GABRB1: variants seen among roughly 807,000 people sequenced by gnomAD.
The protein encoded by GABRB1 is gamma-aminobutyric acid receptor subunit beta-1.
GABRB1 carries 17 observed loss-of-function variants against 51.6 expected under a neutral mutation model. The observed-to-expected ratio is 0.33, with a 90% confidence interval of 0.23 to 0.49. The LOEUF is 0.49. Among genes scored for constraint, GABRB1 ranks in the 20% least tolerant of loss-of-function variants. The pLI, the probability that GABRB1 is intolerant of heterozygous loss-of-function variation, is 0.99. For synonymous variants in GABRB1, 247 were observed against 218.9 expected (o/e 1.13, Z -1.14); for missense variants, 410 against 600.6 (o/e 0.68, Z 3.32).
chr4:47,081,169 G>A (rs1040270397), intron 3 of GABRB1, among the ~76,000 whole-genome samples: 1 of 152,086 alleles, frequency 6.6e-6, no homozygotes, highest in Admixed American at 6.6e-5. Flanking sequence ...AAGACACAAA[G>A]AACCTAATGG....
intron 5 of GABRB1, among the ~76,000 whole-genome samples, chr4:47,321,957 A>G (rs1725100110): frequency 6.6e-6 from 1 of 152,150 alleles, no homozygotes; most frequent in South Asian, 2.1e-4. Flanking sequence ...CAAAATGCAT[A>G]TTTTATTTAT....
intron 1 of GABRB1, among the ~76,000 whole-genome samples, chr4:47,024,862 G>A (rs193094316): frequency 1.8e-4 from 26 of 146,806 alleles, no homozygotes; most frequent in Admixed American, 1.7e-3. Context: ...TAGAATAATA[G>A]TCTCCAATTC....
intron 4 of GABRB1, among the ~76,000 whole-genome samples, chr4:47,201,824 G>T (rs1435998775): frequency 1.3e-5 from 2 of 152,126 alleles, no homozygotes; most frequent in African/African-American, 4.8e-5. Flanking sequence ...ATTTTTACTA[G>T]CATGTAATAA....
intron 3 of GABRB1, among the ~76,000 whole-genome samples, chr4:47,153,942 G>T (rs1171580692): frequency 6.6e-6 from 1 of 151,896 alleles, no homozygotes; most frequent in African/African-American, 2.4e-5. Flanking sequence ...TGGTAATAAA[G>T]AATGCATGTA....
chr4:47,145,434 A>G (rs969475796), intron 3 of GABRB1, among the ~76,000 whole-genome samples: 1 of 152,036 alleles, frequency 6.6e-6, no homozygotes, highest in African/African-American at 2.4e-5. Context: ...CTCTTTTGAA[A>G]ATTGGGGCTT....
chr4:47,109,508 T>C (rs1301411755), intron 3 of GABRB1, among the ~76,000 whole-genome samples: 2 of 152,120 alleles, frequency 1.3e-5, no homozygotes, highest in Admixed American at 6.6e-5. Flanking sequence ...ATGAGTTTGG[T>C]TGCAGGTAGA....
At chr4:47,334,951 T>C (rs1325997432) in intron 5 of GABRB1, among the ~76,000 whole-genome samples, 4 of 152,210 alleles carry the variant, frequency 2.6e-5, no homozygotes, top group Non-Finnish European at 1.5e-5. Flanking sequence ...CCTATCTTTT[T>C]GTAATATCTT....
At position 47,425,956 on chromosome 4, in the gene GABRB1, A is replaced by C; in HGVS notation, c.1363A>C (p.Met455Leu). The stretch of plus-strand genomic sequence containing the variant: ...GAATTCCATAGACAAGTGGTCCCGA[A>C]TGTTTTTCCCCATCACCTTTTCTCT... ...DVNSIDKWSR[M>L]FFPITFSLFN... Residue 455 changes from methionine to leucine, a missense_variant, in exon 9 of 9, where the codon ATG becomes CTG. Met to Leu is a conservative substitution (Grantham distance 15). This residue lies in a region of GABRB1 where 181 missense variants were observed against 195.6 expected (regional missense o/e 0.93). Coordinates refer to ENST00000295454, the MANE Select transcript of GABRB1 (RefSeq NM_000812.4). 6.2e-7 allele frequency: 1 copy of C among 1,612,954 alleles called. No homozygotes were observed. The highest frequency in any genetic ancestry group is 8.5e-7 in the Non-Finnish European group (1 of 1,179,182).
intron 4 of GABRB1, among the ~76,000 whole-genome samples, chr4:47,174,639 G>A (rs1485720868): frequency 6.6e-6 from 1 of 151,910 alleles, no homozygotes; most frequent in Non-Finnish European, 1.5e-5. Context: ...TTTACTTGAT[G>A]ATAGGTTTAT....
At chr4:47,077,972 T>A (rs1285592604) in intron 3 of GABRB1, among the ~76,000 whole-genome samples, 1 of 127,746 alleles carries the variant, frequency 7.8e-6, no homozygotes, top group African/African-American at 3.0e-5. Context: ...ATATATATTT[T>A]ATATATAATA....
chr4:47,245,972 A>G (rs1721721583), intron 4 of GABRB1, among the ~76,000 whole-genome samples: 1 of 150,484 alleles, frequency 6.6e-6, no homozygotes, highest in African/African-American at 2.4e-5. Flanking sequence ...TTACATAAGT[A>G]AGTTCTTTAG....
intron 4 of GABRB1, among the ~76,000 whole-genome samples, chr4:47,207,756 A>G (rs1720193968): frequency 6.6e-6 from 1 of 150,878 alleles, no homozygotes. Flanking sequence ...AATTGCATTT[A>G]TGCAGATTTC....
chr4:47,224,385 T>C (rs1424447440), intron 4 of GABRB1, among the ~76,000 whole-genome samples: 1 of 152,024 alleles, frequency 6.6e-6, no homozygotes, highest in Non-Finnish European at 1.5e-5. Context: ...TTAACTTCAC[T>C]GCAATAGAGG....
At chr4:47,177,000 A>G (rs533642308) in intron 4 of GABRB1, among the ~76,000 whole-genome samples, 41 of 152,288 alleles carry the variant, frequency 2.7e-4, no homozygotes, top group Middle Eastern at 3.4e-3. Context: ...GAAACCAGTC[A>G]TCTGATTTCA....
chr4:47,278,084 CTT>C (rs911894113), intron 4 of GABRB1, among the ~76,000 whole-genome samples: 1 of 152,050 alleles, frequency 6.6e-6, no homozygotes. Flanking sequence ...GAGAGACAAA[CTT>C]TTTTATGGGC....
intron 4 of GABRB1, among the ~76,000 whole-genome samples, chr4:47,263,030 CTG>C (rs1406297081): frequency 1.8e-5 from 2 of 111,048 alleles, no homozygotes; most frequent in East Asian, 5.1e-4. Flanking sequence ...ACATCACACA[CTG>C]GGGACTGTTG....
chr4:47,073,457 T>C (rs1426393989), intron 3 of GABRB1, among the ~76,000 whole-genome samples: 2 of 152,114 alleles, frequency 1.3e-5, no homozygotes, highest in African/African-American at 4.8e-5. Context: ...ATATAGATTG[T>C]CCAGTGTTCT....
chr4:47,115,290 C>T (rs971242913), intron 3 of GABRB1, among the ~76,000 whole-genome samples: 1 of 152,134 alleles, frequency 6.6e-6, no homozygotes, highest in African/African-American at 2.4e-5. Context: ...TTTAGCTTCA[C>T]AAATATAAAT....
rs1264288318 is a variant in GABRB1 at position 47,320,763 on chromosome 4, C to CTTTTTTT, written c.544+560_544+561insTTTTTTT. On this transcript the variant is annotated intron_variant, in intron 5 of 8. Coordinates refer to ENST00000295454, the MANE Select transcript of GABRB1 (RefSeq NM_000812.4). Reference sequence around the variant, plus strand: ...GCTTTTTCACTGATTGTTTTCTTTTCTTTTTTCTTTTTTTTTTTTTTTTTG... The same window carrying CTTTTTTT: ...GCTTTTTCACTGATTGTTTTCTTTTCTTTTTTTTTTTTTCTTTTTTTTTTTTTTTTTG... Among the ~76,000 whole-genome samples, 142 of 113,236 alleles carry CTTTTTTT rather than the reference C, an allele frequency of 1.3e-3. 2 individuals carry two copies. The highest frequency in any genetic ancestry group is 4.1e-3 in the African/African-American group (131 of 32,044). 74.3% of individuals were successfully genotyped at this position (113,236 alleles called of 152,430 possible).
Sources: allele counts gnomAD v4.1 joint callset (sites outside exome capture counted in the v4.1 genomes callset), GRCh38; gene constraint gnomAD v4.1.1; regional missense constraint gnomAD v4.1.1; transcripts MANE v1.5; gene names NCBI Gene and HGNC (gene_info 2026-07-23, HGNC 2026-07-21).